The following ODAD2 variants were observed in gnomAD, a reference collection of about 807,000 sequenced individuals.
The protein encoded by ODAD2 is outer dynein arm-docking complex subunit 2.
Under a neutral mutation model 106.8 loss-of-function variants are expected in ODAD2, and 89 were observed. The observed-to-expected ratio is 0.83, with a 90% CI of 0.70 to 0.99. ODAD2 has a LOEUF of 0.99. Among genes scored for constraint, ODAD2 ranks in the 50% least tolerant of loss-of-function variants. The pLI is 0.00. For missense variants in ODAD2, 1,168 were observed against 1,238.5 expected, an observed-to-expected ratio of 0.94 and a Z score of 0.85; for synonymous variants, 404 against 436.2, an observed-to-expected ratio of 0.93 and a Z score of 0.92.
chr10:27,966,735 A>G (rs1174479079), intron 9 of ODAD2, among the ~76,000 whole-genome samples: 6 of 152,188 alleles, frequency 3.9e-5, no homozygotes, highest in South Asian at 4.1e-4. Context: ...ATACATTAAA[A>G]CTTTACCTTA....
chr10:27,909,784 C>T (rs1009451553), intron 16 of ODAD2, among the ~76,000 whole-genome samples: 3 of 137,118 alleles, frequency 2.2e-5, no homozygotes, highest in Non-Finnish European at 4.6e-5. Context: ...CACCACTGCA[C>T]TCCAGCTTGG....
intron 1 of ODAD2, among the ~76,000 whole-genome samples, chr10:27,998,636 G>C (rs1188023185): frequency 6.6e-6 from 1 of 152,006 alleles, no homozygotes; most frequent in Non-Finnish European, 1.5e-5. Flanking sequence ...AGTGAGATGG[G>C]GCTGGGAGAG....
chr10:27,885,940 T>C (rs1176399270), intron 17 of ODAD2, among the ~76,000 whole-genome samples: 1 of 130,552 alleles, frequency 7.7e-6, no homozygotes, highest in East Asian at 2.1e-4. Context: ...TCCAAACAAA[T>C]TCTGGAACTG....
chr10:27,895,041 GA>G (rs367930896), intron 17 of ODAD2, among the ~76,000 whole-genome samples: 47 of 136,310 alleles, frequency 3.4e-4, no homozygotes, highest in East Asian at 1.3e-3. Flanking sequence ...TCATCGGTAC[GA>G]AAAAAAAAAA....
intron 16 of ODAD2, among the ~76,000 whole-genome samples, chr10:27,927,620 CA>C (rs1845341582): frequency 6.6e-6 from 1 of 152,022 alleles, no homozygotes; most frequent in African/African-American, 2.4e-5. Flanking sequence ...CCTTGTTGCA[CA>C]AAAAAGGGAA....
rs201506550 is a variant in ODAD2, at chr10:27,893,022, G to A, written c.2610+14641C>T. ...AAATTAGCCAGGCATGGGGCTGCAT[G>A]CTTGTCCATTCCTGTAATCCCAGCT... On this transcript the variant is annotated intron_variant, in intron 17 of 19. Transcript: ENST00000305242. Among the ~76,000 whole-genome samples the A allele has an allele frequency of 2.0e-5, 3 of 152,056 alleles. No individual in the cohort carries two copies. In the East Asian group the frequency reaches 5.8e-4, roughly 29 times the overall value.
At chr10:27,989,957 T>A (rs1365587771) in intron 2 of ODAD2, among the ~76,000 whole-genome samples, 1 of 152,186 alleles carries the variant, frequency 6.6e-6, no homozygotes, top group Non-Finnish European at 1.5e-5. Flanking sequence ...ACCTGAAGAA[T>A]GAGCTCTTGG....
rs139154351 is a variant in ODAD2, at chr10:27,962,560, A to G, written c.1239-845T>C. ...GTGCCAAAGAACAGCAATAACATGA[A>G]CATAATCAGGTTCAGGACCAAAGAG... On this transcript the variant is annotated intron_variant, in intron 9 of 19. Transcript: ENST00000305242. 7.2e-4 allele frequency among the ~76,000 whole-genome samples: 109 copies of G among 152,350 alleles called. No homozygotes were observed. The East Asian group carries it at 0.02, about 28-fold the overall frequency.
At chr10:27,993,972 A>ATGTGTGTGTGTG (rs777033435) in intron 2 of ODAD2, among the ~76,000 whole-genome samples, 34 of 92,178 alleles carry the variant, frequency 3.7e-4, no homozygotes, top group African/African-American at 1.0e-3. Context: ...ATATATATAT[A>ATGTGTGTGTGTG]TATGTGTGTG....
rs56059926 is a variant in ODAD2, at chr10:27,943,795, C to CAAAAAAAAA, written c.1743+418_1743+426dup. On this transcript the variant is annotated intron_variant, in intron 12 of 19. Coordinates refer to ENST00000305242, the MANE Select transcript of ODAD2 (RefSeq NM_018076.5). ...GAGCCACAGAAGTGAGGCTCTGTCT[C>CAAAAAAAAA]AAAAAAAAAAAAAAAAAAAAAAAAA... 5.8e-4 allele frequency among the ~76,000 whole-genome samples: 34 copies of CAAAAAAAAA among 58,642 alleles called. 2 individuals carry two copies. The highest frequency in any genetic ancestry group is 1.8e-3 in the African/African-American group (23 of 12,934). The allele number at this position is 58,642 out of a possible 152,430, so 38.5% of individuals were successfully genotyped here.
intron 10 of ODAD2, among the ~76,000 whole-genome samples, chr10:27,951,628 A>T (rs1038476746): frequency 4.1e-5 from 5 of 122,484 alleles, no homozygotes; most frequent in Admixed American, 8.4e-5. Flanking sequence ...ATTTGAACTT[A>T]AAAAAAAAAA....
intron 16 of ODAD2, among the ~76,000 whole-genome samples, chr10:27,921,573 C>T (rs962254686): frequency 2.7e-5 from 4 of 150,820 alleles, no homozygotes; most frequent in Non-Finnish European, 5.9e-5. Context: ...CCTGACAACT[C>T]ATATATCTAT....
chr10:27,982,267 C>G (rs1375988581), intron 6 of ODAD2, among the ~76,000 whole-genome samples: 1 of 151,998 alleles, frequency 6.6e-6, no homozygotes, highest in African/African-American at 2.4e-5. Flanking sequence ...CATTTCTATA[C>G]GTATGACCAG....
chr10:27,886,837 T>A (rs2133655764), intron 17 of ODAD2, among the ~76,000 whole-genome samples: 1 of 152,104 alleles, frequency 6.6e-6, no homozygotes, highest in Middle Eastern at 3.4e-3. Flanking sequence ...GAATGGTAGA[T>A]GTAAGCTCCA....
intron 7 of ODAD2, among the ~76,000 whole-genome samples, chr10:27,976,713 C>T (rs1849212468): frequency 6.6e-6 from 1 of 152,076 alleles, no homozygotes; most frequent in Non-Finnish European, 1.5e-5. Flanking sequence ...ACCGTAATTC[C>T]ATCAGGCAAT....
At chr10:27,898,002 G>A (rs560849785) in intron 17 of ODAD2, among the ~76,000 whole-genome samples, 84 of 151,974 alleles carry the variant, frequency 5.5e-4, no homozygotes, top group Non-Finnish European at 1.0e-3. Context: ...TGAAAATACT[G>A]AAAAATCTTT....
rs774080742 is a variant in ODAD2 at position 27,985,168 on chromosome 10, A to G, written c.426T>C (p.Asn142=). ...ATGCAATTGAGTTTTCTTTCATTGT[A>G]TTATAATCAGAGCCCAGGATTTTTA... ...PIVKILGSDY[N]TMKENSIALN... The change falls in exon 4 of 20, where the codon AAT becomes AAC. Residue 142 remains asparagine (N), a synonymous_variant. Coordinates refer to ENST00000305242, the MANE Select transcript of ODAD2 (RefSeq NM_018076.5). 1.3e-6 allele frequency: 2 copies of G among 1,584,108 alleles called. No individual in the cohort carries two copies. The highest frequency in any genetic ancestry group is 2.3e-5 in the East Asian group (1 of 44,090).
At chr10:27,867,121 G>A (rs988092068) in intron 17 of ODAD2, among the ~76,000 whole-genome samples, 4 of 151,994 alleles carry the variant, frequency 2.6e-5, no homozygotes, top group African/African-American at 7.3e-5. Context: ...CATAGTAGGT[G>A]AACAAGATAC....
chr10:27,842,698 T>G (rs1838400491), intron 19 of ODAD2, among the ~76,000 whole-genome samples: 1 of 151,870 alleles, frequency 6.6e-6, no homozygotes, highest in African/African-American at 2.4e-5. Context: ...AATTTAAATA[T>G]GCTGAAAGAA....
Sources: gnomAD v4.1 joint callset for allele counts (sites outside exome capture counted in the v4.1 genomes callset) on GRCh38, gnomAD v4.1.1 for gene constraint, MANE v1.5 for transcripts, NCBI Gene and HGNC (gene_info 2026-07-23, HGNC 2026-07-21) for gene names.